Variants in PLVAP observed in about 807,000 individuals in gnomAD.
The protein encoded by PLVAP is plasmalemma vesicle-associated protein.
PLVAP carries 34 observed loss-of-function variants against 43.1 expected under a neutral mutation model. The observed-to-expected ratio is 0.79, with a 90% CI of 0.60 to 1.05. PLVAP has a LOEUF of 1.05. PLVAP is among the 50% of genes least tolerant of loss of function. The pLI is 0.00. For synonymous variants in PLVAP, 241 were observed against 237.3 expected (o/e 1.02, Z -0.14); for missense variants, 574 against 593.4 (o/e 0.97, Z 0.34).
intron 5 of PLVAP, among the ~76,000 whole-genome samples, chr19:17,352,825 A>G (rs994128808): frequency 6.6e-6 from 1 of 152,100 alleles, no homozygotes; most frequent in African/African-American, 2.4e-5. Flanking sequence ...TCCTGCTCAC[A>G]TGTCCTCCAT....
chr19:17,358,853 G>A (rs879583164), intron 5 of PLVAP, among the ~76,000 whole-genome samples: 14 of 151,756 alleles, frequency 9.2e-5, no homozygotes, highest in Non-Finnish European at 1.6e-4. Context: ...AGGCTGGAGT[G>A]CAGGGATGCG....
At position 17,359,608 on chromosome 19, in the gene PLVAP, G is replaced by A. The variant is rs1391869228; in HGVS notation, c.1322+920C>T. On this transcript the variant is annotated intron_variant, in intron 5 of 5. Transcript: ENST00000252590. ...TTTAGTAGAGATGGGGTTTCACCATGTTGGCCAGATGGTCTTGATCTCTTG... is the reference window on the plus strand; with the variant it reads ...TTTAGTAGAGATGGGGTTTCACCATATTGGCCAGATGGTCTTGATCTCTTG... Among the ~76,000 whole-genome samples the A allele has an allele frequency of 4.0e-5, 6 of 150,986 alleles. No homozygotes were observed. In the South Asian group the frequency reaches 8.3e-4, roughly 21 times the overall value.
chr19:17,370,724 TC>T (rs1330449762), intron 1 of PLVAP, among the ~76,000 whole-genome samples: 2 of 152,016 alleles, frequency 1.3e-5, no homozygotes, highest in African/African-American at 4.8e-5. Flanking sequence ...CTAAAATGGA[TC>T]GTGGTGATCA....
intron 1 of PLVAP, among the ~76,000 whole-genome samples, chr19:17,370,001 TA>T (rs763532839): frequency 1.2e-3 from 107 of 88,758 alleles, no homozygotes; most frequent in East Asian, 9.9e-3. Flanking sequence ...AGAGTCTGTC[TA>T]AAAAAAAAAA....
intron 1 of PLVAP, 95 bp from the exon 2 acceptor site, chr19:17,366,290 G>T: frequency 8.5e-7 from 1 of 1,182,476 alleles, no homozygotes; most frequent in South Asian, 1.3e-5. Context: ...TGGCCAGAGT[G>T]AGCTGAGTTC....
chr19:17,373,954 G>A (rs1249994006), intron 1 of PLVAP, among the ~76,000 whole-genome samples: 1 of 152,100 alleles, frequency 6.6e-6, no homozygotes, highest in Non-Finnish European at 1.5e-5. Context: ...TTGAAGGCAG[G>A]AGTTTGAGAC....
rs1249654719 is a variant in PLVAP, at chr19:17,360,834, T to C, written c.1180-2A>G. ...TGACACTGGCATCATCGGCTGCGAC[T>C]GTGAAAGAAAGATGGAGGGAGGTTG... On this transcript the variant is annotated splice_acceptor_variant, in intron 3 of 5. Transcript: ENST00000252590. LOFTEE classifies it high-confidence loss of function. 1 of 1,613,290 alleles carries C rather than the reference T, an allele frequency of 6.2e-7. No homozygotes were observed. Among genetic ancestry groups the C allele is most frequent in the South Asian group, 1.1e-5 (1 of 91,060 alleles).
chr19:17,376,927 C>G lies in PLVAP; in HGVS notation c.362G>C (p.Gly121Ala). 1 of 1,613,012 alleles carries G rather than the reference C, an allele frequency of 6.2e-7. No homozygotes were observed. Residue 121 changes from glycine (G) to alanine (A), a missense_variant, in exon 1 of 6, where the codon GGT becomes GCT. Coordinates refer to ENST00000252590, the MANE Select transcript of PLVAP (RefSeq NM_031310.3). ...RINASFRQCQ[G>A]DRVIYTNNQR... Reference sequence around the variant, plus strand: ...TCCTGCCCACAGCCTTACCCGGTCACCCTGGCACTGGCGGAAGCTGGCATT... The same window carrying G: ...TCCTGCCCACAGCCTTACCCGGTCAGCCTGGCACTGGCGGAAGCTGGCATT...
At chr19:17,371,624 G>A (rs548663712) in intron 1 of PLVAP, among the ~76,000 whole-genome samples, 8 of 151,996 alleles carry the variant, frequency 5.3e-5, no homozygotes, top group Non-Finnish European at 1.0e-4. Context: ...TCAAGTAGCT[G>A]GGATTACAGG....
At chr19:17,366,931 C>T (rs1055949988) in intron 1 of PLVAP, among the ~76,000 whole-genome samples, 4 of 144,338 alleles carry the variant, frequency 2.8e-5, no homozygotes, top group Non-Finnish European at 3.0e-5. Context: ...CCACTGTGCC[C>T]GGCTCGAATT....
At position 17,372,862 on chromosome 19, in the gene PLVAP, G is replaced by A. The variant is rs1342445757; in HGVS notation, c.369+4058C>T. ...CGGATCACGAGGTCAGGAAATTGAG[G>A]CCATCCTGGTTAACATAGTGAAACC... On this transcript the variant is annotated intron_variant, in intron 1 of 5. Transcript: ENST00000252590. 1.5e-4 allele frequency among the ~76,000 whole-genome samples: 22 copies of A among 147,300 alleles called. No individual in the cohort carries two copies. In the South Asian group the frequency reaches 3.0e-3, roughly 20 times the overall value.
At chr19:17,358,803 CTT>C (rs58754349) in intron 5 of PLVAP, among the ~76,000 whole-genome samples, 22 of 115,382 alleles carry the variant, frequency 1.9e-4, no homozygotes, top group African/African-American at 8.0e-4. Context: ...CAGAGACTAT[CTT>C]TTTTTTTTTT....
At chr19:17,369,828 C>G (rs1403821349) in intron 1 of PLVAP, among the ~76,000 whole-genome samples, 1 of 150,644 alleles carries the variant, frequency 6.6e-6, no homozygotes, top group Non-Finnish European at 1.5e-5. Flanking sequence ...TGGTGAAACC[C>G]CATCTCTACT....
chr19:17,367,379 T>C (rs2074554547), intron 1 of PLVAP, among the ~76,000 whole-genome samples: 1 of 136,528 alleles, frequency 7.3e-6, no homozygotes. Flanking sequence ...CACGCCTGAC[T>C]GATTTTTAAA....
At chr19:17,369,071 G>A (rs969911128) in intron 1 of PLVAP, among the ~76,000 whole-genome samples, 8 of 152,062 alleles carry the variant, frequency 5.3e-5, no homozygotes, top group African/African-American at 9.7e-5. Context: ...TTTGATCTTG[G>A]TACCACCCAG....
chr19:17,369,305 C>T (rs1399396501), intron 1 of PLVAP, among the ~76,000 whole-genome samples: 1 of 151,548 alleles, frequency 6.6e-6, no homozygotes, highest in African/African-American at 2.4e-5. Flanking sequence ...CCAGCCTCAG[C>T]CTCTCGAGTA....
intron 1 of PLVAP, among the ~76,000 whole-genome samples, chr19:17,376,050 T>C (rs764703766): frequency 6.0e-5 from 9 of 151,244 alleles, no homozygotes; most frequent in African/African-American, 1.5e-4. Flanking sequence ...CATAGTGGCA[T>C]GTCCATAGTG....
At chr19:17,369,728 C>T (rs1217608263) in intron 1 of PLVAP, among the ~76,000 whole-genome samples, 2 of 151,090 alleles carry the variant, frequency 1.3e-5, no homozygotes, top group Admixed American at 6.6e-5. Context: ...CGGCTGGGCG[C>T]GGTGGCTCAC....
chr19:17,365,905 A>G lies in PLVAP; in HGVS notation c.560T>C (p.Leu187Pro). The change falls in exon 3 of 6, where the codon CTG (leucine) becomes CCG (proline). Residue 187 changes from leucine to proline, a missense_variant. Physicochemically the swap from Leu to Pro is moderately conservative, Grantham distance 98 (BLOSUM62 -3). Transcript: ENST00000252590. The stretch of plus-strand genomic sequence containing the variant: ...TTCCTCCGCCACGCGTTTGTTCAGC[A>G]GCACGCTTTCCTTATCCTTAGTGCA... The part of the protein sequence containing the change: ...TICTKDKESV[L>P]LNKRVAEEQL... 1.9e-6 allele frequency: 3 copies of G among 1,614,106 alleles called. No individual in the cohort carries two copies. In the East Asian group the frequency reaches 6.7e-5, roughly 36 times the overall value.
Sources: allele counts gnomAD v4.1 joint callset (sites outside exome capture counted in the v4.1 genomes callset), GRCh38; gene constraint gnomAD v4.1.1; transcripts MANE v1.5; gene names NCBI Gene and HGNC (gene_info 2026-07-23, HGNC 2026-07-21).